SLC6A16: variants seen among roughly 807,000 people sequenced by gnomAD.
SLC6A16 encodes solute carrier family 6 member 16.
In SLC6A16, 54 loss-of-function variants were observed where a neutral mutation model predicts 65.4. That is an observed-to-expected ratio of 0.83 (90% CI 0.66 to 1.04). The LOEUF (loss-of-function observed/expected upper bound fraction) is 1.04. Ranked by LOEUF, SLC6A16 falls within the 50% of genes least tolerant of loss-of-function variation. SLC6A16 has a pLI of 0.00. For synonymous variants in SLC6A16, 330 were observed against 346.5 expected (o/e 0.95, Z 0.53); for missense variants, 816 against 914.0 (o/e 0.89, Z 1.38).
At chr19:49,300,415 C>A (rs920398525) in intron 7 of SLC6A16, among the ~76,000 whole-genome samples, 2 of 152,062 alleles carry the variant, frequency 1.3e-5, no homozygotes, top group African/African-American at 4.8e-5. Context: ...AGTTTTGGAG[C>A]CCTTATCTTG....
intron 1 of SLC6A16, among the ~76,000 whole-genome samples, chr19:49,317,177 CAAAAAATACAAAAA>C: frequency 6.8e-6 from 1 of 146,036 alleles, no homozygotes; most frequent in East Asian, 2.1e-4. Context: ...CCATCTCTAC[CAAAAAATACAAAAA>C]TTAGCCAGGC....
At chr19:49,299,997 CAAA>C (rs889761825) in intron 7 of SLC6A16, among the ~76,000 whole-genome samples, 1 of 48,992 alleles carries the variant, frequency 2.0e-5, no homozygotes, top group African/African-American at 7.4e-5. Flanking sequence ...GACTCTGTCT[CAAA>C]AAAAAAAAAA....
upstream of SLC6A16, among the ~76,000 whole-genome samples, chr19:49,326,006 C>CA (rs750920453): frequency 0.012 from 1,574 of 133,400 alleles, 26 homozygotes; most frequent in African/African-American, 0.038. Flanking sequence ...TACTAAAAGT[C>CA]AAAAAAAAAA....
chr19:49,290,453 G>T (rs959241743), intron 11 of SLC6A16, 61 bp from the exon 12 acceptor site: 1 of 1,584,268 alleles, frequency 6.3e-7, no homozygotes, highest in South Asian at 1.1e-5. Flanking sequence ...AGGAAGAGTT[G>T]TGGAGGGGAA....
chr19:49,310,938 C>G lies in SLC6A16; in HGVS notation c.410G>C (p.Gly137Ala), dbSNP rs753541500. The G allele has an allele frequency of 5.0e-6, 8 of 1,611,748 alleles. No individual in the cohort carries two copies. Among genetic ancestry groups the G allele is most frequent in the Non-Finnish European group, 6.8e-6 (8 of 1,178,472 alleles). ...TTCCTGGTCCCCAGACTTACAGCCT[C>G]CACTGTTAAGCCACAGGTAGGCAAA... ...WRFAYLWLNSGGCSFAAIYIF... is the reference protein window; with the variant it reads ...WRFAYLWLNSAGCSFAAIYIF... The change falls in exon 2 of 12, where the codon GGA becomes GCA. Residue 137 changes from glycine to alanine, a missense_variant. Gly to Ala is a moderately conservative substitution (Grantham distance 60). Transcript: ENST00000335875.
intron 1 of SLC6A16, among the ~76,000 whole-genome samples, chr19:49,321,413 C>G (rs181589668): frequency 1.6e-3 from 243 of 151,788 alleles, no homozygotes; most frequent in African/African-American, 5.6e-3. Flanking sequence ...CTTTGGGAGG[C>G]CTGATGACCA....
At chr19:49,295,316 G>A (rs1970164980) in intron 7 of SLC6A16, among the ~76,000 whole-genome samples, 1 of 151,832 alleles carries the variant, frequency 6.6e-6, no homozygotes, top group Non-Finnish European at 1.5e-5. Flanking sequence ...GGAGGCAGAG[G>A]TTGCAGTGAG....
At chr19:49,331,001 T>C in the SLC6A16 span, among the ~76,000 whole-genome samples, 1 of 151,182 alleles carries the variant, frequency 6.6e-6, no homozygotes, top group African/African-American at 2.4e-5. Flanking sequence ...TGAGCAGGTA[T>C]ATTCGCTTCC....
the SLC6A16 span, chr19:49,335,868 C>A: frequency 8.8e-7 from 1 of 1,132,856 alleles, no homozygotes; most frequent in Non-Finnish European, 1.3e-6. This position sits in a 1 kb window ranked among gnomAD's most constrained non-coding sequence, Gnocchi z 4.6. Flanking sequence ...GGGAGACCTA[C>A]GGTGCCCTAC....
At chr19:49,294,116 G>A (rs1007835665) in intron 8 of SLC6A16, 88 bp from the exon 9 acceptor site, 16 of 1,151,054 alleles carry the variant, frequency 1.4e-5, no homozygotes, top group Admixed American at 6.9e-5. Context: ...ATCTTCCCTG[G>A]AAAACTCCTG....
In SLC6A16 at chr19:49,324,077, C is replaced by T. The variant is rs540688133; in HGVS notation, c.-65+971G>A. ...GGGCACGGGGGTTCACACCTGTAAT[C>T]TCAGCACTTTAGGAAGCTGAGGCGG... On this transcript the variant is annotated intron_variant, in intron 1 of 11. Coordinates refer to ENST00000335875, the MANE Select transcript of SLC6A16 (RefSeq NM_014037.3). Among the ~76,000 whole-genome samples the T allele has an allele frequency of 3.3e-5, 5 of 151,834 alleles. No individual in the cohort carries two copies. In the South Asian group the frequency reaches 1.0e-3, roughly 32 times the overall value.
chr19:49,325,718 AAT>A (rs1327967134), upstream of SLC6A16, among the ~76,000 whole-genome samples: 2 of 152,232 alleles, frequency 1.3e-5, no homozygotes. Flanking sequence ...TAAGGACTCC[AAT>A]AATTTATGAG....
upstream of SLC6A16, chr19:49,325,202 C>T (rs1954119402): frequency 3.0e-6 from 3 of 985,532 alleles, no homozygotes; most frequent in Non-Finnish European, 3.6e-6. Context: ...GCCTGGCGCG[C>T]GGCCTTTCCC....
At chr19:49,300,231 G>C (rs573570962) in intron 7 of SLC6A16, among the ~76,000 whole-genome samples, 2 of 152,142 alleles carry the variant, frequency 1.3e-5, no homozygotes, top group Middle Eastern at 3.4e-3. Flanking sequence ...CCAGCTACTC[G>C]AGAGGCTGAG....
intron 7 of SLC6A16, among the ~76,000 whole-genome samples, chr19:49,306,748 T>C (rs1041215195): frequency 2.6e-5 from 4 of 152,050 alleles, no homozygotes; most frequent in Admixed American, 6.6e-5. Context: ...TTCACCATAT[T>C]GGCCAGGCTG....
chr19:49,310,438 G>T lies in SLC6A16; in HGVS notation c.488C>A (p.Ala163Asp). 6.2e-7 allele frequency: 1 copy of T among 1,614,144 alleles called. No individual in the cohort carries two copies. Among genetic ancestry groups the T allele is most frequent in the Non-Finnish European group, 8.5e-7 (1 of 1,180,024 alleles). The change falls in exon 3 of 12, where the codon GCT becomes GAT. Residue 163 changes from alanine to aspartate, a missense_variant. Physicochemically the swap from Ala to Asp is moderately radical, Grantham distance 126. Transcript: ENST00000335875. ...GCCACCCTGACGCATGCTCTGACCA[G>T]CTGCCATCTCCAGGAAGAGAAGAGG... ...GVPLLFLEMA[A>D]GQSMRQGGMG...
chr19:49,339,208 C>T, the SLC6A16 span: 2 of 863,040 alleles, frequency 2.3e-6, no homozygotes, highest in East Asian at 4.8e-5. The surrounding 1 kb of genome is among the most constrained non-coding windows in gnomAD (Gnocchi z 4.5). Flanking sequence ...GACTAGAGTG[C>T]CCTGGTGACT....
At chr19:49,338,251 G>A in the SLC6A16 span, 2 of 1,351,274 alleles carry the variant, frequency 1.5e-6, no homozygotes, top group Non-Finnish European at 1.9e-6. This position sits in a 1 kb window ranked among gnomAD's most constrained non-coding sequence, Gnocchi z 5.0. Context: ...CATCTACCTC[G>A]AGAGACTCCG....
In SLC6A16 at chr19:49,294,510, G is replaced by A; in HGVS notation, c.1273C>T (p.Pro425Ser). The change falls in exon 8 of 12, where the codon CCT becomes TCT. Residue 425 changes from proline to serine, a missense_variant. Coordinates refer to ENST00000335875, the MANE Select transcript of SLC6A16 (RefSeq NM_014037.3). ...TTGACAGGGGGCTTGGCATCAGGAG[G>A]CAGTTTCCCTAGGTTTATCAGCTTT... is the stretch of plus-strand genomic sequence containing the variant. Reference protein sequence around the residue: ...LLKLINLGKLPPDAKPPVNLL... With the variant: ...LLKLINLGKLSPDAKPPVNLL... 6.2e-7 allele frequency: 1 copy of A among 1,613,714 alleles called. No homozygotes were observed. Among genetic ancestry groups the A allele is most frequent in the Non-Finnish European group, 8.5e-7 (1 of 1,179,864 alleles).
Sources: gnomAD v4.1 joint callset for allele counts (sites outside exome capture counted in the v4.1 genomes callset) on GRCh38, gnomAD v4.1.1 for gene constraint, Gnocchi (gnomAD v3.1) non-coding constraint, MANE v1.5 for transcripts, NCBI Gene and HGNC (gene_info 2026-07-23, HGNC 2026-07-21) for gene names.